Variants in TM4SF1 observed in about 807,000 individuals in gnomAD.
TM4SF1 encodes the protein transmembrane 4 L6 family member 1.
TM4SF1 carries 20 observed loss-of-function variants against 24.5 expected under a neutral mutation model. The observed-to-expected ratio is 0.82, with a 90% CI of 0.57 to 1.19. The LOEUF is 1.19. TM4SF1 is among the 50% of genes most tolerant of loss of function. TM4SF1 has a pLI of 0.00. For missense variants in TM4SF1, 258 were observed against 248.1 expected, an observed-to-expected ratio of 1.04 and a Z score of -0.27; for synonymous variants, 107 against 95.4, an observed-to-expected ratio of 1.12 and a Z score of -0.71.
At chr3:149,372,043 A>T (rs897931295) in intron 3 of TM4SF1, among the ~76,000 whole-genome samples, 176 bp from the exon 4 acceptor site, 15 of 152,218 alleles carry the variant, frequency 9.9e-5, no homozygotes, top group Non-Finnish European at 8.8e-5. Context: ...CCCAGATCCT[A>T]CTGTAATGAT....
Position 149,371,691 on chromosome 3 carries a change from T to A in TM4SF1, c.590A>T (p.Gln197Leu), listed in dbSNP as rs1230482743. 1.9e-6 allele frequency: 3 copies of A among 1,613,996 alleles called. No individual in the cohort carries two copies. The South Asian group carries it at 3.3e-5, about 18-fold the overall frequency. ...GGICGFCCSH[Q>L]QQYDC ...CATTTTCATGCAGGTTCTTACCTGT[T>A]GGTGAGAGCAGCAAAAGCCACATAT... The change falls in exon 4 of 5, where the codon CAA (glutamine) becomes CTA (leucine). Residue 197 changes from glutamine to leucine, a missense_variant. Gln to Leu is a moderately radical substitution (Grantham distance 113). Coordinates refer to ENST00000305366, the MANE Select transcript of TM4SF1 (RefSeq NM_014220.3).
intron 3 of TM4SF1, among the ~76,000 whole-genome samples, chr3:149,374,321 A>G (rs982997133): frequency 5.3e-5 from 8 of 152,224 alleles, no homozygotes; most frequent in African/African-American, 1.9e-4. Flanking sequence ...AATTTGTGAG[A>G]TTCATATATC....
intron 4 of TM4SF1, 30 bp downstream of exon 4, chr3:149,371,657 A>G: frequency 6.2e-7 from 1 of 1,613,752 alleles, no homozygotes; most frequent in Non-Finnish European, 8.5e-7. Context: ...CACCAGGGCC[A>G]GACTACGACA....
At chr3:149,376,833 C>T (rs539142929) in intron 1 of TM4SF1, among the ~76,000 whole-genome samples, 5 of 152,272 alleles carry the variant, frequency 3.3e-5, no homozygotes, top group Non-Finnish European at 5.9e-5. Context: ...CTTCAGACAC[C>T]GACCTGCTGC....
Position 149,369,687 on chromosome 3 carries a change from A to T in TM4SF1, c.*179T>A. The T allele has an allele frequency of 2.9e-6, 2 of 686,758 alleles. No individual in the cohort carries two copies. The highest frequency in any genetic ancestry group is 2.2e-5 in the South Asian group (1 of 45,248). 42.5% of individuals were successfully genotyped at this position (686,758 alleles called of 1,614,324 possible). Reference sequence around the variant, plus strand: ...AAAAACAAATAAACAAACAAAAAAGAAGTTTACTAAATTTAAACACTGACA... The same window carrying T: ...AAAAACAAATAAACAAACAAAAAAGTAGTTTACTAAATTTAAACACTGACA... On this transcript the variant is annotated 3_prime_UTR_variant, in exon 5 of 5. Coordinates refer to ENST00000305366, the MANE Select transcript of TM4SF1 (RefSeq NM_014220.3).
At chr3:149,371,570 A>G (rs1731821122) in intron 4 of TM4SF1, 117 bp downstream of exon 4, 1 of 1,004,804 alleles carries the variant, frequency 1.0e-6, no homozygotes, top group Non-Finnish European at 1.6e-6. Context: ...TACAAAGATG[A>G]TATCAGAATA....
chr3:149,373,209 T>C (rs989235935), intron 3 of TM4SF1, among the ~76,000 whole-genome samples: 2 of 152,240 alleles, frequency 1.3e-5, no homozygotes, highest in African/African-American at 4.8e-5. Context: ...AGCAGTTGAA[T>C]GATAAATAAC....
intron 4 of TM4SF1, chr3:149,371,459 T>A (rs1392168561): frequency 1.7e-6 from 1 of 605,638 alleles, no homozygotes; most frequent in Non-Finnish European, 2.9e-6. Flanking sequence ...CATGTTCTTG[T>A]GTACATAGAG....
rs1429442914 is a variant in TM4SF1, at chr3:149,369,098, G to A, written c.*768C>T. ...CCTCGTGGTCCTCCTGCCGTCACTC[G>A]TCCCCATGTTCCAATGATGCTGATC... On this transcript the variant is annotated 3_prime_UTR_variant, in exon 5 of 5. Transcript: ENST00000305366. 6.6e-6 allele frequency: 1 copy of A among 151,964 alleles called. No individual in the cohort carries two copies. The highest frequency in any genetic ancestry group is 1.5e-5 in the Non-Finnish European group (1 of 67,998). 9.4% of individuals were successfully genotyped at this position (151,964 alleles called of 1,614,324 possible). A position where few individuals can be genotyped will look rare whatever the true frequency, so the allele number is the denominator to read the frequency against.
intron 3 of TM4SF1, 148 bp from the exon 4 acceptor site, chr3:149,372,015 C>A: frequency 1.4e-6 from 1 of 705,426 alleles, no homozygotes; most frequent in Non-Finnish European, 2.3e-6. Flanking sequence ...TGTCATTCCA[C>A]AAAATGGAGG....
intron 3 of TM4SF1, among the ~76,000 whole-genome samples, chr3:149,373,891 C>G (rs1357718139): frequency 6.6e-6 from 1 of 152,172 alleles, no homozygotes; most frequent in Admixed American, 6.5e-5. Context: ...CATGACTTTT[C>G]TTAGAAGTCT....
chr3:149,375,680 C>T lies in TM4SF1; in HGVS notation c.267G>A (p.Ala89=), dbSNP rs547866298. 2.6e-5 allele frequency: 42 copies of T among 1,614,166 alleles called. No homozygotes were observed. Among genetic ancestry groups the T allele is most frequent in the Middle Eastern group, 1.6e-4 (1 of 6,062 alleles). Residue 89 remains alanine, a splice_region_variant and synonymous_variant, in exon 2 of 5, where the codon GCG becomes GCA. Transcript: ENST00000305366. ...TCACCACCAGGGCAGGAGGACCTAC[C>T]GCACATCGTTTGCCACAGTTTTCAT... ...CGHENCGKRC[A]MLSSVLAALI...
rs1731994185 is a variant in TM4SF1, at chr3:149,377,634, G to T, written c.-87C>A. On this transcript the variant is annotated 5_prime_UTR_variant, in exon 1 of 5. Coordinates refer to ENST00000305366, the MANE Select transcript of TM4SF1 (RefSeq NM_014220.3). ...GATGAAAGTGTGCCCTTCTGGTGGAGAAAGCAAACACCACTCTCAGCCCAT... is the reference window on the plus strand; with the variant it reads ...GATGAAAGTGTGCCCTTCTGGTGGATAAAGCAAACACCACTCTCAGCCCAT... The T allele has an allele frequency of 7.2e-6, 11 of 1,525,586 alleles. No individual in the cohort carries two copies. Among genetic ancestry groups the T allele is most frequent in the Non-Finnish European group, 9.7e-6 (11 of 1,137,704 alleles). The allele number at this position is 1,525,586 out of a possible 1,614,324, so 94.5% of individuals were successfully genotyped here. A position where few individuals can be genotyped will look rare whatever the true frequency, so the allele number is the denominator to read the frequency against.
intron 3 of TM4SF1, 60 bp downstream of exon 3, chr3:149,375,383 C>A: frequency 6.3e-7 from 1 of 1,584,740 alleles, no homozygotes; most frequent in South Asian, 1.1e-5. Context: ...TTTGATAGAG[C>A]TGCCACTATA....
chr3:149,375,305 T>C, intron 3 of TM4SF1, 138 bp downstream of exon 3: 6 of 1,087,098 alleles, frequency 5.5e-6, no homozygotes, highest in Non-Finnish European at 7.9e-6. Flanking sequence ...GCCTAAACCA[T>C]GCCTGAGTCA....
At position 149,369,671 on chromosome 3, in the gene TM4SF1, TAAAC is replaced by T. The variant is rs1229884154; in HGVS notation, c.*191_*194del. On this transcript the variant is annotated 3_prime_UTR_variant, in exon 5 of 5. Coordinates refer to ENST00000305366, the MANE Select transcript of TM4SF1 (RefSeq NM_014220.3). The stretch of plus-strand genomic sequence containing the variant: ...TTCCTTAAAAAAAAACAAAAACAAA[TAAAC>T]AAACAAAAAAGAAGTTTACTAAATT... 33 of 644,074 alleles carry T rather than the reference TAAAC, an allele frequency of 5.1e-5. No homozygotes were observed. The East Asian group carries it at 7.2e-4, about 14-fold the overall frequency. 39.9% of individuals were successfully genotyped at this position (644,074 alleles called of 1,614,324 possible). A position where few individuals can be genotyped will look rare whatever the true frequency, so the allele number is the denominator to read the frequency against.
At chr3:149,375,822 G>A (rs1731938611) in intron 1 of TM4SF1, 53 bp from the exon 2 acceptor site, 2 of 1,536,586 alleles carry the variant, frequency 1.3e-6, no homozygotes, top group African/African-American at 1.4e-5. Flanking sequence ...GCTCATATGG[G>A]TCAGGTTAGG....
chr3:149,373,345 A>G (rs1206546696), intron 3 of TM4SF1, among the ~76,000 whole-genome samples: 1 of 152,202 alleles, frequency 6.6e-6, no homozygotes, highest in African/African-American at 2.4e-5. Flanking sequence ...TCTACTTCTG[A>G]TAGCTCTCCT....
Position 149,369,618 on chromosome 3 carries a change from T to C in TM4SF1, c.*248A>G. The C allele has an allele frequency of 2.2e-6, 1 of 464,314 alleles. No homozygotes were observed. The highest frequency in any genetic ancestry group is 3.8e-6 in the Non-Finnish European group (1 of 263,046). The allele number at this position is 464,314 out of a possible 1,614,324, so 28.8% of individuals were successfully genotyped here. A position where few individuals can be genotyped will look rare whatever the true frequency, so the allele number is the denominator to read the frequency against. The stretch of plus-strand genomic sequence containing the variant: ...GAGTACTGTCACTCAGTCTGTAAAT[T>C]ACCCCCAGAGGGTGGTTTGTTTCCT... On this transcript the variant is annotated 3_prime_UTR_variant, in exon 5 of 5. Transcript: ENST00000305366.
Sources: gnomAD v4.1 joint callset for allele counts (sites outside exome capture counted in the v4.1 genomes callset) on GRCh38, gnomAD v4.1.1 for gene constraint, MANE v1.5 for transcripts, NCBI Gene and HGNC (gene_info 2026-07-23, HGNC 2026-07-21) for gene names.